Variants in CLEC19A observed in about 807,000 individuals in gnomAD.
The protein encoded by CLEC19A is C-type lectin domain containing 19A, also known as C-type lectin domain family 19 member A.
In CLEC19A, 21 loss-of-function variants were observed where a neutral mutation model predicts 26.1. The observed-to-expected ratio is 0.80, with a 90% CI of 0.57 to 1.16. The LOEUF is 1.16. Among genes scored for constraint, CLEC19A ranks in the 50% most tolerant of loss-of-function variants. CLEC19A has a pLI of 0.00. For missense variants in CLEC19A, 224 were observed against 227.6 expected (o/e 0.98, Z 0.10); for synonymous variants, 89 against 88.6 (o/e 1.00, Z -0.03).
intron 2 of CLEC19A, among the ~76,000 whole-genome samples, chr16:19,299,046 A>G (rs1338367528): frequency 1.3e-5 from 2 of 152,230 alleles, no homozygotes; most frequent in Non-Finnish European, 2.9e-5. Flanking sequence ...TACTGGGATT[A>G]TAGGCATAAG....
chr16:19,291,584 T>C (rs547983456), intron 1 of CLEC19A, among the ~76,000 whole-genome samples: 2 of 152,220 alleles, frequency 1.3e-5, no homozygotes, highest in East Asian at 3.9e-4. Context: ...GAGTTGGCGC[T>C]GATTGTTGTG....
intron 1 of CLEC19A, among the ~76,000 whole-genome samples, chr16:19,288,857 C>A (rs923163243): frequency 1.3e-5 from 2 of 152,182 alleles, no homozygotes; most frequent in African/African-American, 4.8e-5. Context: ...TTCTGCAGGG[C>A]TTCAGAAGCG....
At chr16:19,297,546 T>C (rs179212) in intron 1 of CLEC19A, among the ~76,000 whole-genome samples, 21,187 of 152,166 alleles carry the variant, frequency 0.14, 2,141 homozygotes, top group East Asian at 0.33. Context: ...TCAGAATTAT[T>C]TGTAATAGTT....
chr16:19,291,915 AC>A (rs112789892), intron 1 of CLEC19A, among the ~76,000 whole-genome samples: 505 of 152,268 alleles, frequency 3.3e-3, no homozygotes, highest in African/African-American at 0.012. Flanking sequence ...ATCCATAACC[AC>A]CAAATTACTC....
intron 1 of CLEC19A, among the ~76,000 whole-genome samples, chr16:19,286,602 A>G (rs1286919980): frequency 5.9e-5 from 9 of 152,316 alleles, no homozygotes; most frequent in Non-Finnish European, 1.3e-4. Context: ...TGCAATAGGA[A>G]GGCTGGGTTA....
rs1365901826 is a variant in CLEC19A, at chr16:19,307,619, C to T, written c.423C>T (p.Gly141=). 11 of 1,548,328 alleles carry T rather than the reference C, an allele frequency of 7.1e-6. No homozygotes were observed. The highest frequency in any genetic ancestry group is 4.8e-5 in the South Asian group (4 of 83,960). The change falls in exon 4 of 5, where the codon GGC becomes GGT. Residue 141 remains glycine (G), a synonymous_variant. Coordinates refer to ENST00000636231, the MANE Select transcript of CLEC19A (RefSeq NM_001256720.2). ...SYWDGSQPDD[G]VHADPEEEDC... ...GGGATGGCAGCCAGCCAGATGATGGCGTCCACGCGGACCCAGAAGAAGAGG... is the reference window on the plus strand; with the variant it reads ...GGGATGGCAGCCAGCCAGATGATGGTGTCCACGCGGACCCAGAAGAAGAGG...
intron 4 of CLEC19A, 107 bp from the exon 5 acceptor site, chr16:19,308,897 A>G: frequency 1.2e-6 from 1 of 802,902 alleles, no homozygotes. Flanking sequence ...CTGCCAGCAT[A>G]GACACAAGGC....
At chr16:19,304,607 A>G (rs533143616) in intron 3 of CLEC19A, among the ~76,000 whole-genome samples, 1 of 152,158 alleles carries the variant, frequency 6.6e-6, no homozygotes, top group Admixed American at 6.5e-5. Flanking sequence ...AGGCTGAGGC[A>G]GGAGAATTGC....
Position 19,305,875 on chromosome 16 carries a change from G to T in CLEC19A, c.349-1670G>T, listed in dbSNP as rs1004284793. On this transcript the variant is annotated intron_variant, in intron 3 of 4. Coordinates refer to ENST00000636231, the MANE Select transcript of CLEC19A (RefSeq NM_001256720.2). ...TTGTTTGTTTTTGAGATGGAATCTC[G>T]CTCTGTCGCCCAGGCTGGAGTGCAG... is the stretch of plus-strand genomic sequence containing the variant. Among the ~76,000 whole-genome samples the T allele has an allele frequency of 2.6e-5, 4 of 151,780 alleles. No individual in the cohort carries two copies. In the South Asian group the frequency reaches 6.3e-4, roughly 24 times the overall value.
At position 19,285,823 on chromosome 16, in the gene CLEC19A, GC is replaced by G. The variant is rs1897450685; in HGVS notation, c.-28del. ...CAAAAAGCCTCTCTCCTCCACTCAG[GC>G]TGGGAGGTTGCTTTCTAGGAGCTCA... is the stretch of plus-strand genomic sequence containing the variant. On this transcript the variant is annotated 5_prime_UTR_variant, in exon 1 of 5. Transcript: ENST00000636231. 6.5e-6 allele frequency: 10 copies of G among 1,547,136 alleles called. No homozygotes were observed. The highest frequency in any genetic ancestry group is 8.7e-6 in the Non-Finnish European group (10 of 1,144,304).
At chr16:19,308,436 T>C (rs866232618) in intron 4 of CLEC19A, among the ~76,000 whole-genome samples, 2 of 152,184 alleles carry the variant, frequency 1.3e-5, no homozygotes, top group Non-Finnish European at 2.9e-5. Flanking sequence ...AAAAAGAAGA[T>C]AGTGCTCATA....
chr16:19,301,757 T>G (rs1273265162), intron 2 of CLEC19A, among the ~76,000 whole-genome samples: 2 of 129,184 alleles, frequency 1.5e-5, no homozygotes, highest in East Asian at 2.6e-4. Flanking sequence ...TTTTTTTTTT[T>G]TTTTTTTGTA....
rs1253331539 is a variant in CLEC19A at position 19,307,677 on chromosome 16, G to C, written c.481G>C (p.Ala161Pro). The change falls in exon 4 of 5, where the codon GCT (alanine) becomes CCT (proline). Residue 161 changes from alanine (A) to proline (P), a missense_variant and splice_region_variant. By Grantham distance (27) the Ala-to-Pro change is conservative. Transcript: ENST00000636231. ...CVQIWYRPTS[A>P]LRSWNDNTCS... ...GCAGATATGGTACAGGCCTACCAGTGGTGGGTACCCCTGAGACCAAGGCTC... is the reference window on the plus strand; with the variant it reads ...GCAGATATGGTACAGGCCTACCAGTCGTGGGTACCCCTGAGACCAAGGCTC... The C allele has an allele frequency of 1.3e-6, 2 of 1,548,164 alleles. No homozygotes were observed. The highest frequency in any genetic ancestry group is 1.7e-6 in the Non-Finnish European group (2 of 1,146,758).
chr16:19,289,449 A>G (rs1411164261), intron 1 of CLEC19A, among the ~76,000 whole-genome samples: 1 of 152,186 alleles, frequency 6.6e-6, no homozygotes, highest in Non-Finnish European at 1.5e-5. Flanking sequence ...TAAGACCAGA[A>G]AGAAGATATC....
intron 3 of CLEC19A, 42 bp from the exon 4 acceptor site, chr16:19,307,503 T>C (rs1897981303): frequency 6.5e-7 from 1 of 1,544,628 alleles, no homozygotes; most frequent in Non-Finnish European, 8.7e-7. Flanking sequence ...CTGATCTTCT[T>C]CTTGGCTTGC....
At chr16:19,295,378 T>A (rs186774263) in intron 1 of CLEC19A, among the ~76,000 whole-genome samples, 2 of 152,232 alleles carry the variant, frequency 1.3e-5, no homozygotes, top group Non-Finnish European at 2.9e-5. Context: ...AATTTTTGTA[T>A]TTTTTATAGA....
At chr16:19,304,507 C>A (rs1035103934) in intron 3 of CLEC19A, 2 of 191,520 alleles carry the variant, frequency 1.0e-5, no homozygotes, top group African/African-American at 2.3e-5. Flanking sequence ...TCAAGACCAG[C>A]CTGGCCAGCA....
At chr16:19,287,017 CCTT>C (rs1466687316) in intron 1 of CLEC19A, among the ~76,000 whole-genome samples, 1 of 144,272 alleles carries the variant, frequency 6.9e-6, no homozygotes, top group Non-Finnish European at 1.5e-5. Flanking sequence ...AACTAGGTAT[CCTT>C]CTTTTTTTTT....
At position 19,298,792 on chromosome 16, in the gene CLEC19A, G is replaced by A; in HGVS notation, c.208G>A (p.Glu70Lys). The change falls in exon 2 of 5, where the codon GAG becomes AAG. Residue 70 changes from glutamate to lysine, a missense_variant. Physicochemically the swap from Glu to Lys is moderately conservative, Grantham distance 56 (BLOSUM62 1). Coordinates refer to ENST00000636231, the MANE Select transcript of CLEC19A (RefSeq NM_001256720.2). ...GGCTGAGGCCGACCTCTACTGTTCT[G>A]AGTTCTCTGTGGGCAGGAAGTCCGC... is the stretch of plus-strand genomic sequence containing the variant. ...TWAEADLYCS[E>K]FSVGRKSAKL... 1 of 1,550,636 alleles carries A rather than the reference G, an allele frequency of 6.4e-7. No homozygotes were observed. The highest frequency in any genetic ancestry group is 8.7e-7 in the Non-Finnish European group (1 of 1,146,966).
Sources: allele counts gnomAD v4.1 joint callset (sites outside exome capture counted in the v4.1 genomes callset), GRCh38; gene constraint gnomAD v4.1.1; transcripts MANE v1.5; gene names NCBI Gene and HGNC (gene_info 2026-07-23, HGNC 2026-07-21).